TENM2: variants seen among roughly 807,000 people sequenced by gnomAD.
TENM2 encodes teneurin transmembrane protein 2.
TENM2 carries 52 observed loss-of-function variants against 245.2 expected under a neutral mutation model. The observed-to-expected ratio is 0.21, with a 90% CI of 0.17 to 0.27. The LOEUF is 0.27. TENM2 is among the 10% of genes least tolerant of loss of function. TENM2 has a pLI of 1.00. For synonymous variants in TENM2, 1,363 were observed against 1,438.9 expected (o/e 0.95, Z 1.19); for missense variants, 3,046 against 3,666.8 (o/e 0.83, Z 4.37).
At chr5:167,091,638 C>T in the TENM2 span, among the ~76,000 whole-genome samples, 2 of 152,094 alleles carry the variant, frequency 1.3e-5, no homozygotes, top group Non-Finnish European at 2.9e-5. Context: ...TAATAATCCT[C>T]TAAATACAGA....
At chr5:168,124,317 A>T (rs1382417889) in intron 10 of TENM2, among the ~76,000 whole-genome samples, 1 of 152,196 alleles carries the variant, frequency 6.6e-6, no homozygotes, top group Non-Finnish European at 1.5e-5. Flanking sequence ...CCTAAGTGAA[A>T]CCTCATTAGG....
At chr5:167,091,445 A>C in the TENM2 span, among the ~76,000 whole-genome samples, 24 of 152,186 alleles carry the variant, frequency 1.6e-4, no homozygotes, top group African/African-American at 5.8e-4. Flanking sequence ...ACATGTGTTT[A>C]ACCTCACAAT....
intron 1 of TENM2, among the ~76,000 whole-genome samples, chr5:167,324,432 A>T (rs1036432142): frequency 1.3e-5 from 2 of 152,014 alleles, no homozygotes; most frequent in Non-Finnish European, 2.9e-5. Flanking sequence ...TGGATAGGTA[A>T]TTTTTTTTCA....
chr5:167,580,929 T>C (rs1775047376), intron 2 of TENM2, among the ~76,000 whole-genome samples: 1 of 152,160 alleles, frequency 6.6e-6, no homozygotes, highest in Non-Finnish European at 1.5e-5. Context: ...GCGGACGTTG[T>C]AGTGAGCGGA....
chr5:167,117,550 G>T, the TENM2 span, among the ~76,000 whole-genome samples: 1 of 151,986 alleles, frequency 6.6e-6, no homozygotes, highest in South Asian at 2.1e-4. Flanking sequence ...TAAAAACATA[G>T]AGGTGAACAT....
At chr5:167,138,835 C>G in the TENM2 span, among the ~76,000 whole-genome samples, 1 of 152,076 alleles carries the variant, frequency 6.6e-6, no homozygotes. Flanking sequence ...GTTGGCCAGG[C>G]TGGTCTCAAA....
At chr5:167,409,457 G>A (rs929892061) in intron 2 of TENM2, among the ~76,000 whole-genome samples, 1 of 151,896 alleles carries the variant, frequency 6.6e-6, no homozygotes, top group African/African-American at 2.4e-5. Context: ...ACATAGGGAA[G>A]TACTCATTCA....
chr5:168,054,659 C>A (rs906529507), intron 6 of TENM2, among the ~76,000 whole-genome samples: 46 of 152,250 alleles, frequency 3.0e-4, no homozygotes, highest in African/African-American at 9.4e-4. Flanking sequence ...TGAATTATGG[C>A]AACATTTTCT....
At chr5:167,058,191 A>G in the TENM2 span, among the ~76,000 whole-genome samples, 1 of 152,120 alleles carries the variant, frequency 6.6e-6, no homozygotes, top group African/African-American at 2.4e-5. Context: ...AAGGCTCTCT[A>G]CATGCCAGGC....
At chr5:167,000,992 T>G in the TENM2 span, among the ~76,000 whole-genome samples, 1 of 152,148 alleles carries the variant, frequency 6.6e-6, no homozygotes, top group Non-Finnish European at 1.5e-5. Flanking sequence ...TTTTGACAGT[T>G]TAGTCATTTA....
chr5:167,597,790 A>C (rs996917202), intron 2 of TENM2, among the ~76,000 whole-genome samples: 1 of 152,218 alleles, frequency 6.6e-6, no homozygotes, highest in Non-Finnish European at 1.5e-5. Context: ...TATTCTGTAC[A>C]AATCTCTCCC....
intron 25 of TENM2, among the ~76,000 whole-genome samples, chr5:168,239,187 ACCC>A (rs1415930035): frequency 6.6e-6 from 1 of 151,938 alleles, no homozygotes; most frequent in Non-Finnish European, 1.5e-5. Flanking sequence ...CAGCCGGGGC[ACCC>A]CCCTTTATAA....
intron 2 of TENM2, among the ~76,000 whole-genome samples, chr5:167,697,681 T>C (rs1037097917): frequency 6.6e-6 from 1 of 152,082 alleles, no homozygotes; most frequent in Admixed American, 6.6e-5. Flanking sequence ...CCCGCCACCA[T>C]GTCCAGCTAA....
chr5:167,378,538 G>C (rs898497946), intron 2 of TENM2, among the ~76,000 whole-genome samples: 4 of 151,940 alleles, frequency 2.6e-5, no homozygotes, highest in African/African-American at 9.7e-5. Flanking sequence ...ATCCTATCTT[G>C]AAGTCAATAA....
At chr5:168,219,097 C>T (rs1763448895) in intron 23 of TENM2, 98 bp downstream of exon 25, 2 of 1,227,360 alleles carry the variant, frequency 1.6e-6, no homozygotes, top group South Asian at 1.5e-5. Context: ...TGCTTTGTCA[C>T]GTTGTCTTTC....
At chr5:167,436,460 G>C (rs1014955281) in intron 2 of TENM2, among the ~76,000 whole-genome samples, 2 of 152,272 alleles carry the variant, frequency 1.3e-5, no homozygotes, top group South Asian at 2.1e-4. Flanking sequence ...AAGGGAGACA[G>C]CAAAAAAGTT....
the TENM2 span, among the ~76,000 whole-genome samples, chr5:167,102,032 C>A: frequency 6.8e-6 from 1 of 146,990 alleles, no homozygotes; most frequent in Admixed American, 6.9e-5. Flanking sequence ...TCAAGACCAG[C>A]CTAGCCAACA....
chr5:167,929,168 AAGG>A (rs1454101539), intron 3 of TENM2, among the ~76,000 whole-genome samples: 6 of 148,062 alleles, frequency 4.1e-5, no homozygotes, highest in Admixed American at 4.0e-4. Flanking sequence ...GGAAGGAAAG[AAGG>A]AGGGAAGGAA....
intron 3 of TENM2, among the ~76,000 whole-genome samples, chr5:167,893,668 G>A (rs1554139875): frequency 6.6e-6 from 1 of 150,786 alleles, no homozygotes; most frequent in Non-Finnish European, 1.5e-5. Context: ...TTTCAAGAAC[G>A]TGTTAGAGGG....
Sources: allele counts gnomAD v4.1 joint callset (sites outside exome capture counted in the v4.1 genomes callset), GRCh38; gene constraint gnomAD v4.1.1; transcripts MANE v1.5; gene names NCBI Gene and HGNC (gene_info 2026-07-23, HGNC 2026-07-21).